The following DMRT1 variants were observed in gnomAD, a reference collection of about 807,000 sequenced individuals.
DMRT1 encodes doublesex- and mab-3-related transcription factor 1.
DMRT1 carries 7 observed loss-of-function variants against 32.3 expected under a neutral mutation model. The ratio of observed to expected loss-of-function variants is 0.22; its 90% CI spans 0.12 to 0.41. DMRT1 has a LOEUF of 0.41. Among genes scored for constraint, DMRT1 ranks in the 10% least tolerant of loss-of-function variants. DMRT1 has a pLI of 1.00. For missense variants in DMRT1, 625 were observed against 500.5 expected, an observed-to-expected ratio of 1.25 and a Z score of -2.37; for synonymous variants, 278 against 206.1, an observed-to-expected ratio of 1.35 and a Z score of -2.99.
intron 4 of DMRT1, among the ~76,000 whole-genome samples, chr9:951,158 T>C (rs1432994862): frequency 6.6e-6 from 1 of 152,170 alleles, no homozygotes; most frequent in Non-Finnish European, 1.5e-5. Context: ...ATTGAAGCAC[T>C]AGACAACATG....
chr9:947,555 A>T lies in DMRT1; in HGVS notation c.968-20430A>T, dbSNP rs1260624235. ...ACTTAAAAGAAATGGAGATTGGCGA[A>T]ATCATAACAAAATGATAGAATTTAA... On this transcript the variant is annotated intron_variant, in intron 4 of 4. Transcript: ENST00000382276. Among the ~76,000 whole-genome samples, 3 of 152,342 alleles carry T rather than the reference A, an allele frequency of 2.0e-5. No homozygotes were observed. The East Asian group carries it at 5.8e-4, about 29-fold the overall frequency.
intron 2 of DMRT1, among the ~76,000 whole-genome samples, chr9:853,981 C>T (rs180859602): frequency 5.6e-4 from 85 of 150,770 alleles, no homozygotes; most frequent in African/African-American, 1.9e-3. Flanking sequence ...ATTTTTCTTT[C>T]TGTGGAGACA....
chr9:909,885 T>A (rs1213663004), intron 3 of DMRT1, among the ~76,000 whole-genome samples: 4 of 152,130 alleles, frequency 2.6e-5, no homozygotes, highest in East Asian at 3.9e-4. Flanking sequence ...CCTAATTTTT[T>A]AAATTTTTTG....
intron 1 of DMRT1, chr9:843,044 C>T (rs79958085): frequency 6.6e-6 from 1 of 152,216 alleles, no homozygotes; most frequent in African/African-American, 2.4e-5. Flanking sequence ...ATTCTCTCCG[C>T]TTTGGGGTCC....
chr9:847,225 C>G (rs935414246), intron 2 of DMRT1, 82 bp downstream of exon 2: 2 of 1,421,262 alleles, frequency 1.4e-6, no homozygotes, highest in African/African-American at 2.8e-5. Flanking sequence ...CAGGGCTCCC[C>G]TGAGCTACAT....
At chr9:900,686 AT>A (rs531727921) in intron 3 of DMRT1, among the ~76,000 whole-genome samples, 361 of 143,982 alleles carry the variant, frequency 2.5e-3, no homozygotes, top group Middle Eastern at 3.6e-3. Context: ...AATCTACTTA[AT>A]TTTTTTTTTT....
chr9:871,535 G>T (rs1174401921), intron 2 of DMRT1, among the ~76,000 whole-genome samples: 4 of 131,486 alleles, frequency 3.0e-5, no homozygotes, highest in Non-Finnish European at 6.3e-5. Flanking sequence ...TAGAGACGGG[G>T]TTTCACCGTG....
chr9:933,967 A>G (rs1453375104), intron 4 of DMRT1, among the ~76,000 whole-genome samples: 1 of 151,908 alleles, frequency 6.6e-6, no homozygotes, highest in Non-Finnish European at 1.5e-5. Flanking sequence ...AGACTTATTG[A>G]GTGACTGCTA....
chr9:866,149 G>C (rs1815973402), intron 2 of DMRT1, among the ~76,000 whole-genome samples: 2 of 120,630 alleles, frequency 1.7e-5, no homozygotes, highest in African/African-American at 3.1e-5. Flanking sequence ...GGGTGACAGA[G>C]TGAGAGTCCA....
chr9:853,135 G>A (rs1815232743), intron 2 of DMRT1, among the ~76,000 whole-genome samples: 1 of 152,064 alleles, frequency 6.6e-6, no homozygotes, highest in African/African-American at 2.4e-5. Context: ...AGGAAGGTAC[G>A]GAGATTTTTT....
chr9:851,658 G>A (rs951224891), intron 2 of DMRT1, among the ~76,000 whole-genome samples: 3 of 152,176 alleles, frequency 2.0e-5, no homozygotes, highest in Non-Finnish European at 4.4e-5. Context: ...AAATTCTGAG[G>A]ACACTTAGAA....
Position 934,351 on chromosome 9 carries a change from C to T in DMRT1, c.967+17444C>T, listed in dbSNP as rs576215617. ...GTTTGTTTTGTTTCTTCTTCTGTTGCCTGTGCTTTTGGTGTCATATTTAAG... is the reference window on the plus strand; with the variant it reads ...GTTTGTTTTGTTTCTTCTTCTGTTGTCTGTGCTTTTGGTGTCATATTTAAG... On this transcript the variant is annotated intron_variant, in intron 4 of 4. Transcript: ENST00000382276. Among the ~76,000 whole-genome samples the T allele has an allele frequency of 2.2e-3, 332 of 152,098 alleles. 2 individuals are homozygous for T. Among genetic ancestry groups the T allele is most frequent in the African/African-American group, 7.9e-3 (326 of 41,472 alleles).
chr9:862,198 C>G lies in DMRT1; in HGVS notation c.538+15055C>G, dbSNP rs561230500. ...CGAGCCGAGATCACGCCACTGCACT[C>G]CAGCCTGGGCAACACTGAGCACTGA... On this transcript the variant is annotated intron_variant, in intron 2 of 4. Coordinates refer to ENST00000382276, the MANE Select transcript of DMRT1 (RefSeq NM_021951.3). 2.4e-3 allele frequency among the ~76,000 whole-genome samples: 360 copies of G among 151,570 alleles called. 2 individuals carry two copies. The highest frequency in any genetic ancestry group is 4.0e-3 in the Non-Finnish European group (272 of 67,784).
At chr9:937,092 TGCC>T (rs1272253685) in intron 4 of DMRT1, among the ~76,000 whole-genome samples, 1 of 152,250 alleles carries the variant, frequency 6.6e-6, no homozygotes, top group Non-Finnish European at 1.5e-5. Context: ...AATGGAATGA[TGCC>T]ATATTTGTCC....
At chr9:887,197 TCAAA>T (rs961112200) in intron 2 of DMRT1, among the ~76,000 whole-genome samples, 6 of 152,154 alleles carry the variant, frequency 3.9e-5, no homozygotes, top group Non-Finnish European at 5.9e-5. Flanking sequence ...AGACTGTCTC[TCAAA>T]CAAACAAACA....
chr9:930,308 C>T (rs931980186), intron 4 of DMRT1, among the ~76,000 whole-genome samples: 1 of 138,928 alleles, frequency 7.2e-6, no homozygotes, highest in East Asian at 1.9e-4. Context: ...CTCCTTGGCT[C>T]AAGTCATCTG....
intron 2 of DMRT1, among the ~76,000 whole-genome samples, chr9:892,203 C>G (rs1409731567): frequency 6.6e-6 from 1 of 152,208 alleles, no homozygotes; most frequent in Non-Finnish European, 1.5e-5. Flanking sequence ...CCTGCTTGCT[C>G]TGTGATTCAA....
intron 4 of DMRT1, among the ~76,000 whole-genome samples, chr9:954,703 A>T (rs1819539678): frequency 6.6e-6 from 1 of 152,032 alleles, no homozygotes; most frequent in Non-Finnish European, 1.5e-5. Flanking sequence ...GTGCAGTAGT[A>T]CGATCCCGGC....
chr9:916,723 A>C (rs1157254440), intron 3 of DMRT1, 40 bp from the exon 4 acceptor site: 1 of 1,610,812 alleles, frequency 6.2e-7, no homozygotes, highest in Admixed American at 1.7e-5. Flanking sequence ...TGTGACATGC[A>C]ATGTTGATCT....
Sources: allele counts gnomAD v4.1 joint callset (sites outside exome capture counted in the v4.1 genomes callset), GRCh38; gene constraint gnomAD v4.1.1; transcripts MANE v1.5; gene names NCBI Gene and HGNC (gene_info 2026-07-23, HGNC 2026-07-21).